The following FGGY variants were observed in gnomAD, a reference collection of about 807,000 sequenced individuals.
FGGY encodes the protein FGGY carbohydrate kinase domain-containing protein.
Under a neutral mutation model 71.3 loss-of-function variants are expected in FGGY, and 72 were observed. The ratio of observed to expected loss-of-function variants is 1.01; its 90% confidence interval spans 0.84 to 1.23. FGGY has a LOEUF of 1.23. FGGY is among the 50% of genes most tolerant of loss of function. FGGY has a pLI of 0.00. For missense variants in FGGY, 668 were observed against 682.3 expected (o/e 0.98, Z 0.23); for synonymous variants, 251 against 250.3 (o/e 1.00, Z -0.02).
intron 2 of FGGY, among the ~76,000 whole-genome samples, chr1:59,339,364 A>C (rs1047652110): frequency 6.6e-6 from 1 of 152,040 alleles, no homozygotes; most frequent in African/African-American, 2.4e-5. Context: ...TACTTATCTA[A>C]TTGGAGGTGG....
chr1:59,621,975 G>A (rs1457623021), intron 9 of FGGY, among the ~76,000 whole-genome samples: 1 of 151,322 alleles, frequency 6.6e-6, no homozygotes, highest in African/African-American at 2.4e-5. Flanking sequence ...AGAGACTCAG[G>A]GTGTTAATTT....
At chr1:59,502,618 C>T (rs780562989) in intron 6 of FGGY, among the ~76,000 whole-genome samples, 12 of 152,200 alleles carry the variant, frequency 7.9e-5, no homozygotes, top group South Asian at 2.1e-4. Context: ...CTTAGATGAG[C>T]TTCCTACTCC....
At chr1:59,403,424 C>T (rs376924684) in intron 5 of FGGY, among the ~76,000 whole-genome samples, 6 of 152,216 alleles carry the variant, frequency 3.9e-5, no homozygotes, top group Admixed American at 3.9e-4. Flanking sequence ...CTCCTCCAGA[C>T]GATTGCATTG....
intron 11 of FGGY, among the ~76,000 whole-genome samples, chr1:59,658,244 A>G (rs906999131): frequency 2.6e-5 from 4 of 152,190 alleles, no homozygotes; most frequent in South Asian, 2.1e-4. Flanking sequence ...ATAAAGTTCC[A>G]TAATGTCAGC....
intron 6 of FGGY, among the ~76,000 whole-genome samples, chr1:59,482,403 G>A (rs2093506071): frequency 6.6e-6 from 1 of 151,972 alleles, no homozygotes; most frequent in Non-Finnish European, 1.5e-5. Flanking sequence ...ATGAATCATG[G>A]ACAAATGTTT....
At chr1:59,724,034 G>C (rs1474309423) in intron 14 of FGGY, among the ~76,000 whole-genome samples, 1 of 151,852 alleles carries the variant, frequency 6.6e-6, no homozygotes, top group Non-Finnish European at 1.5e-5. Context: ...ATGGTGGCAG[G>C]GGCCTGTAAT....
chr1:59,385,093 C>T (rs2059923492), intron 5 of FGGY, among the ~76,000 whole-genome samples: 1 of 152,132 alleles, frequency 6.6e-6, no homozygotes, highest in South Asian at 2.1e-4. Flanking sequence ...TGTCTTAAAG[C>T]TTTCAAACTT....
At chr1:59,753,794 A>G (rs1255887837) in intron 14 of FGGY, among the ~76,000 whole-genome samples, 1 of 151,992 alleles carries the variant, frequency 6.6e-6, no homozygotes, top group East Asian at 1.9e-4. Flanking sequence ...TTATAACTTT[A>G]TTTTCTATTC....
intron 6 of FGGY, among the ~76,000 whole-genome samples, chr1:59,478,159 C>T (rs907401975): frequency 1.3e-5 from 2 of 152,188 alleles, no homozygotes; most frequent in Non-Finnish European, 2.9e-5. Flanking sequence ...AGAGACCTCT[C>T]AATGCAGGCC....
intron 5 of FGGY, among the ~76,000 whole-genome samples, chr1:59,448,121 C>G (rs2071750483): frequency 6.6e-6 from 1 of 152,036 alleles, no homozygotes; most frequent in African/African-American, 2.4e-5. Context: ...TTTCTCAAGT[C>G]TACCAAGAGA....
At chr1:59,742,421 C>T (rs1309032975) in intron 14 of FGGY, among the ~76,000 whole-genome samples, 2 of 152,222 alleles carry the variant, frequency 1.3e-5, no homozygotes, top group African/African-American at 4.8e-5. Flanking sequence ...AACATATTTT[C>T]TTGATTTCCC....
chr1:59,586,063 G>A (rs1435762762), intron 8 of FGGY, among the ~76,000 whole-genome samples: 3 of 152,196 alleles, frequency 2.0e-5, no homozygotes, highest in South Asian at 2.1e-4. Flanking sequence ...CTGTTGTTGG[G>A]ACTGTAAACT....
At chr1:59,610,475 A>C (rs1452808835) in intron 9 of FGGY, among the ~76,000 whole-genome samples, 1 of 152,158 alleles carries the variant, frequency 6.6e-6, no homozygotes, top group Non-Finnish European at 1.5e-5. Flanking sequence ...AATCCAGTCT[A>C]TCACTGATGG....
At chr1:59,735,768 A>G (rs1170934811) in intron 14 of FGGY, among the ~76,000 whole-genome samples, 1 of 152,248 alleles carries the variant, frequency 6.6e-6, no homozygotes, top group East Asian at 1.9e-4. Context: ...TCTCAACTGT[A>G]CTATAGAAAA....
At chr1:59,365,099 C>T (rs61174637) in intron 4 of FGGY, among the ~76,000 whole-genome samples, 4,765 of 152,208 alleles carry the variant, frequency 0.031, 96 homozygotes, top group East Asian at 0.055. Context: ...GGAGACATGT[C>T]TCAGAGGAGA....
At chr1:59,665,822 C>T (rs574980677) in intron 12 of FGGY, among the ~76,000 whole-genome samples, 32 of 152,182 alleles carry the variant, frequency 2.1e-4, no homozygotes, top group African/African-American at 7.2e-4. Context: ...TACAGGTGCC[C>T]GTCACCACGC....
At chr1:59,349,296 A>G (rs1042519482) in intron 4 of FGGY, among the ~76,000 whole-genome samples, 41 of 152,170 alleles carry the variant, frequency 2.7e-4, no homozygotes, top group Admixed American at 8.5e-4. Flanking sequence ...AATTTGGCCT[A>G]AACTTGTTGC....
intron 6 of FGGY, among the ~76,000 whole-genome samples, chr1:59,470,011 T>A (rs1558036191): frequency 6.6e-6 from 1 of 152,210 alleles, no homozygotes; most frequent in Non-Finnish European, 1.5e-5. Flanking sequence ...GATGGGCATT[T>A]AGGTTGATTC....
intron 2 of FGGY, among the ~76,000 whole-genome samples, chr1:59,335,340 G>A (rs2049272947): frequency 1.3e-5 from 2 of 152,034 alleles, no homozygotes; most frequent in Admixed American, 1.3e-4. Context: ...TTTTCACTTA[G>A]CATAATGTTT....
Sources: gnomAD v4.1 joint callset for allele counts (sites outside exome capture counted in the v4.1 genomes callset) on GRCh38, gnomAD v4.1.1 for gene constraint, MANE v1.5 for transcripts, NCBI Gene and HGNC (gene_info 2026-07-23, HGNC 2026-07-21) for gene names.